The following NCKAP5 variants were observed in gnomAD, a reference collection of about 807,000 sequenced individuals.
The protein encoded by NCKAP5 is NCK associated protein 5.
Under a neutral mutation model 167.0 loss-of-function variants are expected in NCKAP5, and 92 were observed. The ratio of observed to expected loss-of-function variants is 0.55; its 90% CI spans 0.47 to 0.66. The LOEUF (loss-of-function observed/expected upper bound fraction) is 0.66. Ranked by LOEUF, NCKAP5 falls within the 30% of genes least tolerant of loss-of-function variation. The pLI is 0.00. For synonymous variants in NCKAP5, 891 were observed against 877.4 expected (o/e 1.02, Z -0.27); for missense variants, 2,378 against 2,315.0 (o/e 1.03, Z -0.56).
intron 2 of NCKAP5, among the ~76,000 whole-genome samples, chr2:133,525,659 C>G (rs114130853): frequency 6.6e-6 from 1 of 152,126 alleles, no homozygotes; most frequent in African/African-American, 2.4e-5. Flanking sequence ...TATAATCCAC[C>G]CTTTTAAGTA....
intron 2 of NCKAP5, among the ~76,000 whole-genome samples, chr2:133,518,606 G>A (rs1313146294): frequency 2.0e-5 from 3 of 151,788 alleles, no homozygotes; most frequent in South Asian, 2.1e-4. Context: ...TGCCTGCCTC[G>A]GCCTCCCAAA....
chr2:132,871,973 G>C (rs780598769), intron 9 of NCKAP5, among the ~76,000 whole-genome samples: 4 of 152,186 alleles, frequency 2.6e-5, no homozygotes, highest in Non-Finnish European at 5.9e-5. Context: ...CCTGGAATGC[G>C]TCCCTGCCCT....
intron 3 of NCKAP5, among the ~76,000 whole-genome samples, chr2:133,450,498 T>A (rs573405971): frequency 6.6e-6 from 1 of 152,330 alleles, no homozygotes; most frequent in Non-Finnish European, 1.5e-5. Flanking sequence ...TTCGGATGCA[T>A]ACTGTTAATA....
intron 6 of NCKAP5, among the ~76,000 whole-genome samples, chr2:133,017,149 C>T (rs2078367257): frequency 6.6e-6 from 1 of 152,194 alleles, no homozygotes; most frequent in African/African-American, 2.4e-5. Flanking sequence ...GACAATACCT[C>T]TGTGTCTATA....
At chr2:133,447,062 T>C (rs1273319593) in intron 3 of NCKAP5, among the ~76,000 whole-genome samples, 4 of 152,110 alleles carry the variant, frequency 2.6e-5, no homozygotes, top group African/African-American at 9.7e-5. Context: ...AACTAGTGAC[T>C]CTATGCGTGG....
intron 1 of NCKAP5, among the ~76,000 whole-genome samples, chr2:133,564,076 G>T (rs897330461): frequency 3.9e-5 from 6 of 152,146 alleles, no homozygotes; most frequent in African/African-American, 1.4e-4. Flanking sequence ...GGAGGTTGCA[G>T]TGAGTGGAGA....
chr2:133,491,999 C>T (rs1681494682), intron 3 of NCKAP5, among the ~76,000 whole-genome samples: 1 of 152,070 alleles, frequency 6.6e-6, no homozygotes, highest in Admixed American at 6.6e-5. Context: ...CTCTATGTTA[C>T]CTTCTCCAGG....
chr2:132,980,642 A>G (rs1300926094), intron 7 of NCKAP5, among the ~76,000 whole-genome samples: 1 of 152,116 alleles, frequency 6.6e-6, no homozygotes, highest in African/African-American at 2.4e-5. Context: ...TGCCCTTTCT[A>G]TTTCAAAAGG....
At chr2:133,120,371 A>G (rs575550532) in intron 6 of NCKAP5, among the ~76,000 whole-genome samples, 2 of 152,320 alleles carry the variant, frequency 1.3e-5, no homozygotes, top group East Asian at 3.9e-4. Flanking sequence ...AAGGATCCCA[A>G]AGAATGGTTC....
At position 132,682,293 on chromosome 2, in the gene NCKAP5, G is replaced by A. The variant is rs116799323; in HGVS notation, c.5714-8988C>T. 3.0e-3 allele frequency among the ~76,000 whole-genome samples: 461 copies of A among 152,204 alleles called. 4 individuals carry two copies. The highest frequency in any genetic ancestry group is 0.01 in the African/African-American group (434 of 41,530). The stretch of plus-strand genomic sequence containing the variant: ...AGGTTGCCGATGGGAATCTGCTTCC[G>A]TTCCAGATTCCATCCCTTGCTCTAC... On this transcript the variant is annotated intron_variant, in intron 19 of 19. Transcript: ENST00000409261.
At chr2:132,942,961 TA>T (rs1697413220) in intron 8 of NCKAP5, among the ~76,000 whole-genome samples, 1 of 152,222 alleles carries the variant, frequency 6.6e-6, no homozygotes, top group African/African-American at 2.4e-5. Context: ...AGGAAGTCAT[TA>T]AAATGATAGA....
intron 9 of NCKAP5, among the ~76,000 whole-genome samples, chr2:132,872,745 T>C (rs775345275): frequency 3.3e-5 from 5 of 152,210 alleles, no homozygotes; most frequent in Non-Finnish European, 7.3e-5. Context: ...AGAAAAAGTA[T>C]GTGTTTTTGA....
At position 133,060,698 on chromosome 2, in the gene NCKAP5, T is replaced by C. The variant is rs546597564; in HGVS notation, c.342-66459A>G. ...TTCTTATGAGCTATGAAGATAAATG[T>C]ACACACACGAGTAAAGAATATAAGC... is the stretch of plus-strand genomic sequence containing the variant. On this transcript the variant is annotated intron_variant, in intron 6 of 19. Coordinates refer to ENST00000409261, the MANE Select transcript of NCKAP5 (RefSeq NM_207363.3). 1.3e-4 allele frequency among the ~76,000 whole-genome samples: 20 copies of C among 152,344 alleles called. 1 individual carries two copies. The South Asian group carries it at 4.1e-3, about 32-fold the overall frequency.
chr2:133,031,537 G>T (rs973678204), intron 6 of NCKAP5, among the ~76,000 whole-genome samples: 2 of 152,152 alleles, frequency 1.3e-5, no homozygotes, highest in Non-Finnish European at 2.9e-5. Context: ...CATAAGGATT[G>T]CAACTTTTAG....
chr2:133,400,892 C>T (rs1389814414), intron 3 of NCKAP5, among the ~76,000 whole-genome samples: 1 of 152,118 alleles, frequency 6.6e-6, no homozygotes, highest in Admixed American at 6.5e-5. Context: ...GCTTCTGAAG[C>T]TTCTGAACCC....
intron 13 of NCKAP5, among the ~76,000 whole-genome samples, chr2:132,786,196 A>AAG (rs1683554049): frequency 6.6e-6 from 1 of 152,218 alleles, no homozygotes. Flanking sequence ...AATGTTTTCC[A>AAG]GGTGGGAGAA....
intron 3 of NCKAP5, among the ~76,000 whole-genome samples, chr2:133,339,448 T>C (rs1398614596): frequency 6.6e-6 from 1 of 152,194 alleles, no homozygotes; most frequent in Non-Finnish European, 1.5e-5. Context: ...CTTTCAAAGA[T>C]GAAATAATTC....
chr2:132,827,878 G>T (rs1426333080), intron 11 of NCKAP5, among the ~76,000 whole-genome samples: 1 of 152,096 alleles, frequency 6.6e-6, no homozygotes, highest in Non-Finnish European at 1.5e-5. Context: ...CTGCCACTTG[G>T]GTTTTTCAAA....
chr2:133,378,612 G>A (rs961719356), intron 3 of NCKAP5, among the ~76,000 whole-genome samples: 1 of 152,170 alleles, frequency 6.6e-6, no homozygotes, highest in Non-Finnish European at 1.5e-5. Flanking sequence ...AGCAGTCTGG[G>A]AGCATCCCAC....
Sources: gnomAD v4.1 joint callset for allele counts (sites outside exome capture counted in the v4.1 genomes callset) on GRCh38, gnomAD v4.1.1 for gene constraint, MANE v1.5 for transcripts, NCBI Gene and HGNC (gene_info 2026-07-23, HGNC 2026-07-21) for gene names.